Variants in BABAM2 observed in about 807,000 individuals in gnomAD.
BABAM2 encodes BRISC and BRCA1 A complex member 2.
A neutral mutation model predicts 54.7 loss-of-function variants in BABAM2; 31 were observed. That is an observed-to-expected ratio of 0.57 (90% CI 0.43 to 0.77). BABAM2 has a LOEUF of 0.77. Ranked by LOEUF, BABAM2 falls within the 30% of genes least tolerant of loss-of-function variation. The pLI is 0.00. For synonymous variants in BABAM2, 167 were observed against 162.9 expected (o/e 1.03, Z -0.19); for missense variants, 364 against 455.8 (o/e 0.80, Z 1.83).
At chr2:28,207,763 G>A (rs1056936239) in intron 7 of BABAM2, among the ~76,000 whole-genome samples, 2 of 152,116 alleles carry the variant, frequency 1.3e-5, no homozygotes, top group Admixed American at 1.3e-4. Flanking sequence ...TACCTCCAAA[G>A]GATTTTAAGT....
rs539933189 is a variant in BABAM2 at position 27,913,266 on chromosome 2, A to T, written c.129-16566A>T. Among the ~76,000 whole-genome samples the T allele has an allele frequency of 2.4e-4, 37 of 152,228 alleles. No individual in the cohort carries two copies. The South Asian group carries it at 7.7e-3, about 32-fold the overall frequency. ...TTAAAATTCTTATCTCATTTTCTGTACTTTTCTTATTATGGATTAGTAATA... is the reference window on the plus strand; with the variant it reads ...TTAAAATTCTTATCTCATTTTCTGTTCTTTTCTTATTATGGATTAGTAATA... On this transcript the variant is annotated intron_variant, in intron 2 of 11. Coordinates refer to ENST00000379624, the MANE Select transcript of BABAM2 (RefSeq NM_199191.3).
intron 7 of BABAM2, among the ~76,000 whole-genome samples, chr2:28,231,398 C>T (rs1195013754): frequency 6.6e-6 from 1 of 152,112 alleles, no homozygotes; most frequent in East Asian, 1.9e-4. Context: ...AAACTCAAGT[C>T]CTTAGACATA....
rs182535537 is a variant in BABAM2, at chr2:28,183,351, G to T, written c.681-53851G>T. On this transcript the variant is annotated intron_variant, in intron 7 of 11. Coordinates refer to ENST00000379624, the MANE Select transcript of BABAM2 (RefSeq NM_199191.3). ...AGCTACTTGGGAGGCTGAGGCAGGA[G>T]AATTGCTTGAACCTGGGAGGCAGAG... is the stretch of plus-strand genomic sequence containing the variant. 2.0e-3 allele frequency among the ~76,000 whole-genome samples: 298 copies of T among 152,280 alleles called. 1 individual carries two copies. The highest frequency in any genetic ancestry group is 0.01 in the Middle Eastern group (3 of 294).
At chr2:27,947,187 T>C (rs1669360177) in intron 3 of BABAM2, among the ~76,000 whole-genome samples, 1 of 152,190 alleles carries the variant, frequency 6.6e-6, no homozygotes, top group South Asian at 2.1e-4. Context: ...TGGATCTTGC[T>C]GTTTATTTTC....
At chr2:28,184,197 A>G (rs193081461) in intron 7 of BABAM2, among the ~76,000 whole-genome samples, 7 of 144,846 alleles carry the variant, frequency 4.8e-5, no homozygotes, top group Non-Finnish European at 9.0e-5. Context: ...CTATTGTTCA[A>G]TTTTCCAGAT....
chr2:28,089,164 C>T (rs190105412), intron 6 of BABAM2, among the ~76,000 whole-genome samples: 2 of 152,272 alleles, frequency 1.3e-5, no homozygotes, highest in East Asian at 3.9e-4. Context: ...AAGAGCTCTC[C>T]TTCATTCCTT....
intron 6 of BABAM2, among the ~76,000 whole-genome samples, chr2:28,068,805 GT>G (rs1663861306): frequency 6.6e-6 from 1 of 152,086 alleles, no homozygotes; most frequent in Non-Finnish European, 1.5e-5. Flanking sequence ...ATATCTTATA[GT>G]TTTTAGTGAA....
chr2:27,916,232 T>C (rs184370865), intron 2 of BABAM2, among the ~76,000 whole-genome samples: 26 of 152,296 alleles, frequency 1.7e-4, no homozygotes, highest in Admixed American at 5.2e-4. Flanking sequence ...GTTCAGAGAA[T>C]AGGCAGCATT....
chr2:27,997,388 C>G (rs1346130324), intron 4 of BABAM2, among the ~76,000 whole-genome samples: 1 of 152,126 alleles, frequency 6.6e-6, no homozygotes, highest in Non-Finnish European at 1.5e-5. Context: ...TCTACTATGT[C>G]TGTTTCATCA....
At chr2:27,964,898 T>C (rs1339069609) in intron 3 of BABAM2, among the ~76,000 whole-genome samples, 2 of 152,196 alleles carry the variant, frequency 1.3e-5, no homozygotes, top group Non-Finnish European at 2.9e-5. Flanking sequence ...AGATTTTCAC[T>C]CTGCAGAGAG....
intron 4 of BABAM2, among the ~76,000 whole-genome samples, chr2:28,005,913 T>G (rs1673927038): frequency 6.6e-6 from 1 of 152,080 alleles, no homozygotes; most frequent in Non-Finnish European, 1.5e-5. Flanking sequence ...CAGTATAATA[T>G]GCAAAAATAT....
intron 11 of BABAM2, among the ~76,000 whole-genome samples, chr2:28,330,931 T>TTA (rs1422291790): frequency 4.0e-5 from 6 of 150,736 alleles, no homozygotes; most frequent in Non-Finnish European, 8.9e-5. Flanking sequence ...ACTTCAGACT[T>TTA]TACTACAGTA....
intron 6 of BABAM2, among the ~76,000 whole-genome samples, chr2:28,099,112 G>A (rs933488358): frequency 2.0e-5 from 3 of 152,160 alleles, no homozygotes; most frequent in Non-Finnish European, 4.4e-5. Flanking sequence ...CCTTGTGACT[G>A]TGATTTATTA....
intron 4 of BABAM2, among the ~76,000 whole-genome samples, chr2:27,997,456 A>G (rs934935509): frequency 6.6e-6 from 1 of 152,206 alleles, no homozygotes; most frequent in Non-Finnish European, 1.5e-5. Flanking sequence ...TAAAAAATAT[A>G]CTTCCTAAAG....
chr2:27,941,258 A>G (rs559795735), intron 3 of BABAM2, among the ~76,000 whole-genome samples: 1 of 151,798 alleles, frequency 6.6e-6, no homozygotes, highest in African/African-American at 2.4e-5. Flanking sequence ...AAATGTAGAC[A>G]TTTTTTTGTC....
At chr2:28,298,194 A>G (rs1284501201) in intron 10 of BABAM2, 144 bp from the exon 11 acceptor site, 2 of 858,188 alleles carry the variant, frequency 2.3e-6, no homozygotes, top group Non-Finnish European at 3.6e-6. Flanking sequence ...GTGCCTCTCT[A>G]TACACCACAC....
chr2:28,308,975 C>A (rs1016737919), intron 11 of BABAM2: 4 of 152,286 alleles, frequency 2.6e-5, no homozygotes, highest in Non-Finnish European at 5.9e-5. Context: ...CATAAGTTAA[C>A]CCTTTTAAAA....
At chr2:28,198,322 G>A (rs968240614) in intron 7 of BABAM2, among the ~76,000 whole-genome samples, 1 of 152,040 alleles carries the variant, frequency 6.6e-6, no homozygotes, top group Non-Finnish European at 1.5e-5. Context: ...CGCAAAAAAT[G>A]CCTGGCTAAT....
intron 2 of BABAM2, among the ~76,000 whole-genome samples, chr2:27,911,378 T>G (rs1312341363): frequency 1.3e-5 from 2 of 152,262 alleles, no homozygotes; most frequent in African/African-American, 4.8e-5. Flanking sequence ...TTAAAATTCT[T>G]TCAGTTCCAT....
Sources: gnomAD v4.1 joint callset for allele counts (sites outside exome capture counted in the v4.1 genomes callset) on GRCh38, gnomAD v4.1.1 for gene constraint, MANE v1.5 for transcripts, NCBI Gene and HGNC (gene_info 2026-07-23, HGNC 2026-07-21) for gene names.